The following DST variants were observed in gnomAD, a reference collection of about 807,000 sequenced individuals.
DST encodes bullous pemphigoid antigen.
Under a neutral mutation model 875.2 loss-of-function variants are expected in DST, and 253 were observed. The ratio of observed to expected loss-of-function variants is 0.29; its 90% CI spans 0.26 to 0.32. DST has a LOEUF of 0.32. DST is among the 10% of genes least tolerant of loss of function. The pLI is 1.00. For missense variants in DST, 8,287 were observed against 9,111.6 expected (o/e 0.91, Z 3.68); for synonymous variants, 3,124 against 3,197.1 (o/e 0.98, Z 0.77).
intron 61 of DST, among the ~76,000 whole-genome samples, chr6:56,547,391 A>G (rs2097249687): frequency 6.6e-6 from 1 of 152,166 alleles, no homozygotes; most frequent in Admixed American, 6.5e-5. Context: ...TGATCTTCCT[A>G]TAAAAGCCAT....
intron 3 of DST, among the ~76,000 whole-genome samples, chr6:56,874,151 A>T (rs1465411510): frequency 6.6e-6 from 1 of 152,164 alleles, no homozygotes; most frequent in Non-Finnish European, 1.5e-5. Flanking sequence ...TGTACCCCAT[A>T]AATATGTACA....
intron 75 of DST, among the ~76,000 whole-genome samples, chr6:56,508,114 A>G (rs952110184): frequency 6.6e-6 from 1 of 152,122 alleles, no homozygotes; most frequent in Admixed American, 6.6e-5. Context: ...GGCTGACTGT[A>G]ACCTCCACCT....
At chr6:56,615,416 A>C in intron 36 of DST, 1 of 1,577,036 alleles carries the variant, frequency 6.3e-7, no homozygotes, top group Admixed American at 1.8e-5. Flanking sequence ...AGTATGTTAC[A>C]TAATTCACAG....
At chr6:56,558,447 T>A (rs2097467227) in intron 58 of DST, among the ~76,000 whole-genome samples, 1 of 152,078 alleles carries the variant, frequency 6.6e-6, no homozygotes, top group Non-Finnish European at 1.5e-5. Context: ...TTTGATTCAG[T>A]AGGTCTGGAG....
intron 2 of DST, among the ~76,000 whole-genome samples, chr6:56,940,294 A>G (rs561594038): frequency 6.6e-6 from 1 of 151,742 alleles, no homozygotes; most frequent in Non-Finnish European, 1.5e-5. Flanking sequence ...GATATATATA[A>G]AAATATGTAC....
intron 3 of DST, among the ~76,000 whole-genome samples, chr6:56,868,341 T>G (rs1775262802): frequency 6.6e-6 from 1 of 152,166 alleles, no homozygotes. Context: ...CTGGATGACT[T>G]TTGATGTTCC....
intron 55 of DST, among the ~76,000 whole-genome samples, chr6:56,564,021 C>T (rs557952825): frequency 3.7e-4 from 56 of 152,266 alleles, no homozygotes; most frequent in African/African-American, 1.2e-3. Flanking sequence ...ATGCCTCCAG[C>T]TTTGTTCTTT....
At position 56,607,189 on chromosome 6, in the gene DST, T is replaced by C; in HGVS notation, c.7439A>G (p.Gln2480Arg). Reference sequence around the variant, plus strand: ...GTCTTGAAATTTTTCTCCTATTCTTTGACCTGACAACATGGTTTTGTCACT... The same window carrying C: ...GTCTTGAAATTTTTCTCCTATTCTTCGACCTGACAACATGGTTTTGTCACT... ...SFSDKTMLSG[Q>R]RIGEKFQDQF... The change falls in exon 40 of 104, where the codon CAA (glutamine) becomes CGA (arginine). Residue 2480 changes from glutamine to arginine, a missense_variant. Transcript: ENST00000680361. 4 of 1,613,504 alleles carry C rather than the reference T, an allele frequency of 2.5e-6. No individual in the cohort carries two copies. Among genetic ancestry groups the C allele is most frequent in the Non-Finnish European group, 3.4e-6 (4 of 1,179,600 alleles).
intron 88 of DST, chr6:56,484,523 T>C (rs1463738384): frequency 6.6e-6 from 1 of 152,160 alleles, no homozygotes; most frequent in African/African-American, 2.4e-5. Flanking sequence ...TGAACTCAGA[T>C]ACTAGAGAGA....
In DST at chr6:56,836,864, G is replaced by GAAA. The variant is rs536022220; in HGVS notation, c.625+14530_625+14532dup. On this transcript the variant is annotated intron_variant, in intron 4 of 103. Coordinates refer to ENST00000680361, the MANE Select transcript of DST (RefSeq NM_001374736.1). ...AGACTCCATCTCAAAAAAAAAAAAA[G>GAAA]AAAGAAAAAAAGAAAATAAACAAAG... 9.0e-3 allele frequency among the ~76,000 whole-genome samples: 1,269 copies of GAAA among 140,420 alleles called. 22 individuals are homozygous for GAAA. The highest frequency in any genetic ancestry group is 0.03 in the African/African-American group (1,165 of 38,370). 92.1% of individuals were successfully genotyped at this position (140,420 alleles called of 152,430 possible).
In DST at chr6:56,642,511, A is replaced by G. The variant is rs1300954352; in HGVS notation, c.1779-8T>C. 9 of 1,610,820 alleles carry G rather than the reference A, an allele frequency of 5.6e-6. No individual in the cohort carries two copies. Among genetic ancestry groups the G allele is most frequent in the African/African-American group, 2.7e-5 (2 of 74,862 alleles). On this transcript the variant is annotated splice_polypyrimidine_tract_variant and splice_region_variant and intron_variant, in intron 15 of 103. Coordinates refer to ENST00000680361, the MANE Select transcript of DST (RefSeq NM_001374736.1). Reference sequence around the variant, plus strand: ...TGTTGCAACATTTCTAACCTAAAAGATGAGACAAAATAAAATAAAGCTTCT... The same window carrying G: ...TGTTGCAACATTTCTAACCTAAAAGGTGAGACAAAATAAAATAAAGCTTCT...
rs1415349448 is a variant in DST, at chr6:56,553,517, A to G, written c.15275T>C (p.Val5092Ala). 2 of 1,613,850 alleles carry G rather than the reference A, an allele frequency of 1.2e-6. No homozygotes were observed. Among genetic ancestry groups the G allele is most frequent in the African/African-American group, 2.7e-5 (2 of 74,922 alleles). ...ATGATCTTTAATTAATGACTCCAAGACATCGAGTTTGGCAGATATTGGATG... is the reference window on the plus strand; with the variant it reads ...ATGATCTTTAATTAATGACTCCAAGGCATCGAGTTTGGCAGATATTGGATG... ...KSHPISAKLD[V>A]LESLIKDHKD... The change falls in exon 61 of 104, where the codon GTC (valine) becomes GCC (alanine). Residue 5092 changes from valine to alanine, a missense_variant. By Grantham distance (64) the Val-to-Ala change is moderately conservative (BLOSUM62 0). Around this residue, in one of 10 missense-constraint regions of DST, gnomAD observed 1,513 missense variants for 1,677.8 expected, o/e 0.90. Transcript: ENST00000680361.
intron 3 of DST, chr6:56,871,386 G>A: frequency 7.7e-7 from 1 of 1,294,650 alleles, no homozygotes; most frequent in Non-Finnish European, 1.1e-6. Context: ...TTACAATGCT[G>A]GAGTTGGCAG....
chr6:56,880,702 GA>G (rs1278713001), intron 3 of DST, among the ~76,000 whole-genome samples: 1,660 of 89,652 alleles, frequency 0.019, 25 homozygotes, highest in African/African-American at 0.052. Flanking sequence ...AAAGAAAAAA[GA>G]AAAAAAAAAA....
intron 4 of DST, among the ~76,000 whole-genome samples, chr6:56,781,915 G>C (rs1453313347): frequency 1.3e-5 from 2 of 152,144 alleles, no homozygotes; most frequent in African/African-American, 4.8e-5. Flanking sequence ...CTAATTTATT[G>C]ACAGTTTTTA....
Position 56,481,899 on chromosome 6 carries a change from T to C in DST, c.21531+151A>G, listed in dbSNP as rs1582693489. 4.7e-5 allele frequency: 38 copies of C among 809,550 alleles called. 1 individual carries two copies. In the East Asian group the frequency reaches 1.0e-3, roughly 22 times the overall value. The allele number at this position is 809,550 out of a possible 1,614,324, so 50.1% of individuals were successfully genotyped here. On this transcript the variant is annotated intron_variant, in intron 90 of 103. Transcript: ENST00000680361. Reference sequence around the variant, plus strand: ...CATGGGGACATACATATGTAAGCAATGTGGACAGAAGTACACTCTCAAATG... The same window carrying C: ...CATGGGGACATACATATGTAAGCAACGTGGACAGAAGTACACTCTCAAATG...
At chr6:56,649,605 G>C (rs1225612264) in intron 12 of DST, among the ~76,000 whole-genome samples, 2 of 152,082 alleles carry the variant, frequency 1.3e-5, no homozygotes, top group Non-Finnish European at 2.9e-5. Context: ...TGCTGAAAGA[G>C]TGGATAAAAG....
At chr6:56,646,225 ATC>A in intron 13 of DST, 43 bp from the exon 14 acceptor site, 1 of 1,132,906 alleles carries the variant, frequency 8.8e-7, no homozygotes, top group Non-Finnish European at 1.2e-6. Flanking sequence ...AACTTAAAAG[ATC>A]TGTTTTCATG....
intron 4 of DST, among the ~76,000 whole-genome samples, chr6:56,754,842 T>C (rs1226406470): frequency 6.6e-6 from 1 of 152,192 alleles, no homozygotes; most frequent in South Asian, 2.1e-4. Context: ...TAAACATATG[T>C]TCTTTAGTTC....
Sources: allele counts gnomAD v4.1 joint callset (sites outside exome capture counted in the v4.1 genomes callset), GRCh38; gene constraint gnomAD v4.1.1; regional missense constraint gnomAD v4.1.1; transcripts MANE v1.5; gene names NCBI Gene and HGNC (gene_info 2026-07-23, HGNC 2026-07-21).